The following TBC1D5 variants were observed in gnomAD, a reference collection of about 807,000 sequenced individuals.
TBC1D5 encodes the protein TBC1 domain family member 5, also known as TBC1 domain family, member 5.
TBC1D5 carries 75 observed loss-of-function variants against 100.3 expected under a neutral mutation model. The ratio of observed to expected loss-of-function variants is 0.75; its 90% CI spans 0.62 to 0.91. The LOEUF (loss-of-function observed/expected upper bound fraction) is 0.91, where lower values mean the gene tolerates loss of function less well. Ranked by LOEUF, TBC1D5 falls within the 40% of genes least tolerant of loss-of-function variation. The pLI is 0.00. For synonymous variants in TBC1D5, 323 were observed against 325.6 expected (o/e 0.99, Z 0.09); for missense variants, 910 against 942.4 (o/e 0.97, Z 0.45).
intron 1 of TBC1D5, among the ~76,000 whole-genome samples, chr3:17,628,657 C>T (rs940759729): frequency 6.6e-6 from 1 of 152,120 alleles, no homozygotes; most frequent in African/African-American, 2.4e-5. Flanking sequence ...AAGGTTAAAG[C>T]TTTATAATAT....
intron 1 of TBC1D5, among the ~76,000 whole-genome samples, chr3:17,717,052 A>C (rs531845746): frequency 3.3e-5 from 5 of 152,176 alleles, no homozygotes; most frequent in Non-Finnish European, 7.4e-5. Context: ...TAAAACTCTC[A>C]GAGGAAATTT....
intron 1 of TBC1D5, among the ~76,000 whole-genome samples, chr3:17,680,294 T>A (rs1577423682): frequency 6.6e-6 from 1 of 150,394 alleles, no homozygotes; most frequent in South Asian, 2.1e-4. Context: ...TGCACTGGGG[T>A]GATCACGGCT....
In TBC1D5 at chr3:17,495,474, T is replaced by A. The variant is rs369244810; in HGVS notation, c.97+13000A>T. ...CACATTAAGTTGCCACTTGATAACATGATAGTAAATCTTGCTTTTCTGTTT... is the reference window on the plus strand; with the variant it reads ...CACATTAAGTTGCCACTTGATAACAAGATAGTAAATCTTGCTTTTCTGTTT... On this transcript the variant is annotated intron_variant, in intron 3 of 21. Coordinates refer to ENST00000253692, the Ensembl canonical transcript of TBC1D5. Among the ~76,000 whole-genome samples, 6 of 152,250 alleles carry A rather than the reference T, an allele frequency of 3.9e-5. No individual in the cohort carries two copies. In the South Asian group the frequency reaches 1.2e-3, roughly 32 times the overall value.
chr3:17,699,925 G>C (rs1041142081), intron 1 of TBC1D5: 2 of 152,044 alleles, frequency 1.3e-5, no homozygotes, highest in African/African-American at 2.4e-5. Flanking sequence ...TTCAACCGGG[G>C]ACCTCTTGAT....
At chr3:17,550,923 A>G (rs1385319569) in intron 2 of TBC1D5, among the ~76,000 whole-genome samples, 2 of 152,168 alleles carry the variant, frequency 1.3e-5, no homozygotes, top group African/African-American at 2.4e-5. Flanking sequence ...TAAAACCAAA[A>G]AAAATCCCAG....
chr3:17,190,136 CAT>C (rs2069683051), intron 18 of TBC1D5, among the ~76,000 whole-genome samples: 1 of 152,110 alleles, frequency 6.6e-6, no homozygotes, highest in Admixed American at 6.5e-5. Context: ...GATAAACTTT[CAT>C]AGTTTATTAT....
At chr3:17,243,243 T>C (rs2076453643) in intron 16 of TBC1D5, among the ~76,000 whole-genome samples, 1 of 152,220 alleles carries the variant, frequency 6.6e-6, no homozygotes. Flanking sequence ...AATTTTATGA[T>C]ATTTTAGGTA....
rs527644530 is a variant in TBC1D5 at position 17,727,726 on chromosome 3, T to C, written c.-101+11617A>G. On this transcript the variant is annotated intron_variant, in intron 1 of 21. Coordinates refer to ENST00000253692, the Ensembl canonical transcript of TBC1D5. ...ACAAAAAGCACCAGGCCTACACAAA[T>C]AGGTGAGTTATTTCAATGACATGCT... Among the ~76,000 whole-genome samples the C allele has an allele frequency of 1.6e-4, 25 of 152,204 alleles. No individual in the cohort carries two copies. The East Asian group carries it at 1.9e-3, about 12-fold the overall frequency.
chr3:17,580,621 A>C (rs1411135522), intron 2 of TBC1D5, among the ~76,000 whole-genome samples: 2 of 151,882 alleles, frequency 1.3e-5, no homozygotes, highest in Non-Finnish European at 2.9e-5. Context: ...CTATTGGAGC[A>C]CTCCCATTAG....
chr3:17,303,029 T>C (rs2150411310), intron 14 of TBC1D5, among the ~76,000 whole-genome samples: 1 of 152,336 alleles, frequency 6.6e-6, no homozygotes, highest in African/African-American at 2.4e-5. Flanking sequence ...TTCTTGACCA[T>C]GGCCAAAAAT....
At chr3:17,302,790 A>G (rs956667155) in intron 14 of TBC1D5, among the ~76,000 whole-genome samples, 1 of 152,176 alleles carries the variant, frequency 6.6e-6, no homozygotes. Flanking sequence ...AGCATCCTAC[A>G]AAAGTAGCTC....
At chr3:17,525,416 C>A (rs1392850768) in intron 2 of TBC1D5, among the ~76,000 whole-genome samples, 1 of 152,086 alleles carries the variant, frequency 6.6e-6, no homozygotes, top group Non-Finnish European at 1.5e-5. Context: ...CAGGTGTGAG[C>A]CACCACACCC....
chr3:17,602,680 C>G (rs1010072640), intron 2 of TBC1D5, among the ~76,000 whole-genome samples: 2 of 140,772 alleles, frequency 1.4e-5, no homozygotes, highest in Non-Finnish European at 3.0e-5. Context: ...TCGTGCCATT[C>G]TCCTGTCTCA....
chr3:17,568,215 A>T (rs779497462), intron 2 of TBC1D5, among the ~76,000 whole-genome samples: 9 of 151,422 alleles, frequency 5.9e-5, no homozygotes, highest in African/African-American at 1.2e-4. Flanking sequence ...ATATATATAT[A>T]TTTTCACTAC....
intron 15 of TBC1D5, 29 bp downstream of exon 15, chr3:17,291,866 A>T: frequency 6.3e-7 from 1 of 1,587,658 alleles, no homozygotes; most frequent in Middle Eastern, 1.7e-4. Flanking sequence ...CCAACTTAAA[A>T]TTATGCATAC....
intron 8 of TBC1D5, among the ~76,000 whole-genome samples, chr3:17,392,938 A>C (rs1360712869): frequency 6.6e-6 from 1 of 152,132 alleles, no homozygotes; most frequent in Non-Finnish European, 1.5e-5. Flanking sequence ...AGGAATTGCC[A>C]CACTGTCTTC....
intron 15 of TBC1D5, among the ~76,000 whole-genome samples, chr3:17,276,013 C>T (rs901972675): frequency 1.3e-5 from 2 of 152,126 alleles, no homozygotes; most frequent in Non-Finnish European, 2.9e-5. Context: ...TGTAAGTGAT[C>T]TGATAATGAT....
intron 2 of TBC1D5, among the ~76,000 whole-genome samples, chr3:17,538,118 A>G (rs2096302988): frequency 6.6e-6 from 1 of 152,168 alleles, no homozygotes; most frequent in African/African-American, 2.4e-5. Context: ...TGGACAGGGC[A>G]GGAGAGCACC....
chr3:17,531,159 C>A (rs781243398), intron 2 of TBC1D5, among the ~76,000 whole-genome samples: 1 of 152,126 alleles, frequency 6.6e-6, no homozygotes, highest in Non-Finnish European at 1.5e-5. Flanking sequence ...AATCAATGTG[C>A]AAAAAGCACA....
Sources: gnomAD v4.1 joint callset for allele counts (sites outside exome capture counted in the v4.1 genomes callset) on GRCh38, gnomAD v4.1.1 for gene constraint, MANE v1.5 for transcripts, NCBI Gene and HGNC (gene_info 2026-07-23, HGNC 2026-07-21) for gene names.